Variants in MOB4 observed in about 807,000 individuals in gnomAD.
MOB4 encodes MOB family member 4, phocein, also known as MOB-like protein phocein.
A neutral mutation model predicts 32.2 loss-of-function variants in MOB4; 4 were observed. That is an observed-to-expected ratio of 0.12 (90% CI 0.06 to 0.28). MOB4 has a LOEUF of 0.28. Among genes scored for constraint, MOB4 ranks in the 10% least tolerant of loss-of-function variants. The pLI is 1.00. For missense variants in MOB4, 158 were observed against 271.2 expected (o/e 0.58, Z 2.93); for synonymous variants, 88 against 88.1 (o/e 1.00, Z 0.01).
intron 5 of MOB4, among the ~76,000 whole-genome samples, chr2:197,541,634 T>G (rs915420503): frequency 2.0e-5 from 3 of 152,244 alleles, no homozygotes; most frequent in African/African-American, 7.2e-5. Context: ...AGATTGTATC[T>G]GTCGGCCGGG....
chr2:197,528,807 C>T lies in MOB4; in HGVS notation c.123+5121C>T, dbSNP rs759322212. On this transcript the variant is annotated intron_variant, in intron 2 of 7. Coordinates refer to ENST00000323303, the MANE Select transcript of MOB4 (RefSeq NM_015387.5). ...ATTTTTTTGTATTTTTAGTAGAGAA[C>T]GGGGTTTCACTGTGTTAGCCAGGAT... Among the ~76,000 whole-genome samples, 5 of 151,020 alleles carry T rather than the reference C, an allele frequency of 3.3e-5. No homozygotes were observed. In the South Asian group the frequency reaches 8.4e-4, roughly 25 times the overall value.
In MOB4 at chr2:197,553,191, T is replaced by G. The variant is rs1314575785; in HGVS notation, c.*2545T>G. The G allele has an allele frequency of 6.6e-6, 1 of 152,230 alleles. No individual in the cohort carries two copies. The highest frequency in any genetic ancestry group is 1.5e-5 in the Non-Finnish European group (1 of 68,066). 9.4% of individuals were successfully genotyped at this position (152,230 alleles called of 1,614,324 possible). A position where few individuals can be genotyped will look rare whatever the true frequency, so the allele number is the denominator to read the frequency against. The stretch of plus-strand genomic sequence containing the variant: ...GCTCACGCCTGTAATCCCAGCACTT[T>G]GGGAAGCCAAGGCAGACAGATCACC... On this transcript the variant is annotated 3_prime_UTR_variant, in exon 8 of 8. Coordinates refer to ENST00000323303, the MANE Select transcript of MOB4 (RefSeq NM_015387.5).
At chr2:197,544,434 G>A (rs997032455) in intron 5 of MOB4, among the ~76,000 whole-genome samples, 3 of 151,970 alleles carry the variant, frequency 2.0e-5, no homozygotes, top group South Asian at 4.2e-4. Flanking sequence ...GTAAATTAAT[G>A]CCACTAAATT....
In MOB4 at chr2:197,544,748, G is replaced by A. The variant is rs146111935; in HGVS notation, c.355-3588G>A. 4.6e-3 allele frequency among the ~76,000 whole-genome samples: 675 copies of A among 147,266 alleles called. 4 individuals carry two copies. The highest frequency in any genetic ancestry group is 0.027 in the East Asian group (133 of 5,000). ...AGCCTGGGCAACAGAGTGAGACTCC[G>A]TCTCAAAAAAAAAAAAAGGGTCAAA... On this transcript the variant is annotated intron_variant, in intron 5 of 7. Coordinates refer to ENST00000323303, the MANE Select transcript of MOB4 (RefSeq NM_015387.5).
At chr2:197,540,681 T>G (rs2086881555) in intron 5 of MOB4, among the ~76,000 whole-genome samples, 1 of 152,362 alleles carries the variant, frequency 6.6e-6, no homozygotes, top group African/African-American at 2.4e-5. Flanking sequence ...CTATTACGGA[T>G]TAACATCTGT....
At chr2:197,519,689 A>G (rs1214884966) in intron 1 of MOB4, among the ~76,000 whole-genome samples, 2 of 152,212 alleles carry the variant, frequency 1.3e-5, no homozygotes, top group Non-Finnish European at 2.9e-5. Context: ...CCTGAAATGA[A>G]TATTTTCAAT....
chr2:197,535,752 T>G, intron 3 of MOB4, 122 bp downstream of exon 3: 1 of 1,144,132 alleles, frequency 8.7e-7, no homozygotes, highest in Admixed American at 2.8e-5. Context: ...TTTTAAAGCT[T>G]TGGCATTTTC....
intron 3 of MOB4, among the ~76,000 whole-genome samples, chr2:197,536,157 C>T (rs1391491493): frequency 2.6e-5 from 4 of 152,094 alleles, no homozygotes; most frequent in African/African-American, 9.7e-5. Flanking sequence ...CCTTGTCCTC[C>T]CAAAGTATTG....
chr2:197,525,607 C>T (rs1051437380), intron 2 of MOB4, among the ~76,000 whole-genome samples: 6 of 151,286 alleles, frequency 4.0e-5, no homozygotes, highest in South Asian at 2.1e-4. Flanking sequence ...GTGGCGTGCA[C>T]CTGTAGTCCT....
chr2:197,527,750 C>A (rs576556502), intron 2 of MOB4, among the ~76,000 whole-genome samples: 1 of 152,150 alleles, frequency 6.6e-6, no homozygotes, highest in African/African-American at 2.4e-5. Context: ...ACCCTTGAGT[C>A]TGAGGTTAGC....
chr2:197,525,728 GAAAA>G (rs1187750261), intron 2 of MOB4, among the ~76,000 whole-genome samples: 16 of 143,914 alleles, frequency 1.1e-4, no homozygotes, highest in African/African-American at 4.1e-4. Context: ...AAAAAAAAAA[GAAAA>G]AGTGCTGTTC....
At chr2:197,545,310 C>T (rs1374455271) in intron 5 of MOB4, among the ~76,000 whole-genome samples, 2 of 152,112 alleles carry the variant, frequency 1.3e-5, no homozygotes, top group African/African-American at 4.8e-5. Context: ...TGCACATCCT[C>T]CTATATACTT....
At chr2:197,516,358 A>G (rs1332077395) in intron 1 of MOB4, 24 of 1,416,356 alleles carry the variant, frequency 1.7e-5, no homozygotes, top group African/African-American at 2.9e-5. Flanking sequence ...ACCCAGGGGT[A>G]GGCGTGAGGG....
chr2:197,545,316 T>C (rs1559324638), intron 5 of MOB4, among the ~76,000 whole-genome samples: 1 of 152,248 alleles, frequency 6.6e-6, no homozygotes, highest in East Asian at 1.9e-4. Flanking sequence ...TCCTCCTATA[T>C]ACTTTAAATC....
chr2:197,516,240 C>A (rs1027720280), intron 1 of MOB4, 94 bp downstream of exon 1: 31 of 1,517,396 alleles, frequency 2.0e-5, no homozygotes, highest in Middle Eastern at 4.1e-4. Context: ...TGGGCCGAGG[C>A]GGCAGGCGGG....
intron 3 of MOB4, among the ~76,000 whole-genome samples, chr2:197,538,025 A>C (rs1300153330): frequency 6.6e-6 from 1 of 151,756 alleles, no homozygotes; most frequent in Non-Finnish European, 1.5e-5. Context: ...CGATCTGCCC[A>C]CCTTGGCCTC....
intron 5 of MOB4, among the ~76,000 whole-genome samples, chr2:197,543,702 G>A (rs772029170): frequency 7.9e-5 from 12 of 152,184 alleles, no homozygotes; most frequent in African/African-American, 2.4e-4. Context: ...AAGGATGGGC[G>A]GTATGGGAAG....
intron 5 of MOB4, among the ~76,000 whole-genome samples, chr2:197,547,764 G>A (rs2087022966): frequency 6.6e-6 from 1 of 152,122 alleles, no homozygotes; most frequent in African/African-American, 2.4e-5. Context: ...CAGGAGGACT[G>A]GATGAGGACA....
rs2086729048 is a variant in MOB4 at position 197,532,755 on chromosome 2, AAGTGTT to A, written c.124-2771_124-2766del. ...CTATATGAAGGAGACACATGAAAGT[AAGTGTT>A]AGTAAGTTGTGCTATTAAGTGTGAA... On this transcript the variant is annotated intron_variant, in intron 2 of 7. Coordinates refer to ENST00000323303, the MANE Select transcript of MOB4 (RefSeq NM_015387.5). Among the ~76,000 whole-genome samples, 8 of 152,206 alleles carry A rather than the reference AAGTGTT, an allele frequency of 5.3e-5. 1 individual carries two copies. The South Asian group carries it at 1.7e-3, about 32-fold the overall frequency.
Sources: gnomAD v4.1 joint callset for allele counts (sites outside exome capture counted in the v4.1 genomes callset) on GRCh38, gnomAD v4.1.1 for gene constraint, MANE v1.5 for transcripts, NCBI Gene and HGNC (gene_info 2026-07-23, HGNC 2026-07-21) for gene names.